ZNF57: variants seen among roughly 807,000 people sequenced by gnomAD.
The protein encoded by ZNF57 is zinc finger protein 424.
In ZNF57, 11 loss-of-function variants were observed where a neutral mutation model predicts 13.4. That is an observed-to-expected ratio of 0.82 (90% CI 0.52 to 1.36). ZNF57 has a LOEUF of 1.36. Ranked by LOEUF, ZNF57 falls within the 40% of genes most tolerant of loss-of-function variation. The probability of loss-of-function intolerance (pLI) is 0.00; values close to 1 mark genes in which losing one functional copy is unlikely to be tolerated. For missense variants in ZNF57, 696 were observed against 667.5 expected, an observed-to-expected ratio of 1.04 and a Z score of -0.47; for synonymous variants, 224 against 238.5, an observed-to-expected ratio of 0.94 and a Z score of 0.56.
chr19:2,916,191 T>C lies in ZNF57; in HGVS notation c.244T>C (p.Tyr82His). 3 of 1,613,910 alleles carry C rather than the reference T, an allele frequency of 1.9e-6. No homozygotes were observed. The highest frequency in any genetic ancestry group is 2.5e-6 in the Non-Finnish European group (3 of 1,179,956). Reference protein sequence around the residue: ...PNFTGNNSCAYTLEKNCEGYG... With the variant: ...PNFTGNNSCAHTLEKNCEGYG... ...CTTCACAGGAAATAATTCCTGTGCC[T>C]ACACTTTAGAAAAAAATTGTGAAGG... Residue 82 changes from tyrosine to histidine, a missense_variant, in exon 3 of 4, where the codon TAC becomes CAC. By Grantham distance (83) the Tyr-to-His change is moderately conservative (BLOSUM62 2). Coordinates refer to ENST00000306908, the MANE Select transcript of ZNF57 (RefSeq NM_173480.3).
chr19:2,910,898 T>A (rs978334803), intron 1 of ZNF57, among the ~76,000 whole-genome samples: 1 of 151,476 alleles, frequency 6.6e-6, no homozygotes, highest in East Asian at 1.9e-4. Context: ...CCGGCCTGGT[T>A]ACTGTTTTCT....
intron 3 of ZNF57, chr19:2,916,555 AC>A: frequency 4.1e-6 from 1 of 245,224 alleles, no homozygotes; most frequent in Non-Finnish European, 7.9e-6. Context: ...TACTAAAAAT[AC>A]CAAAAAAAAA....
rs138103869 is a variant in ZNF57 at position 2,917,530 on chromosome 19, G to A, written c.909G>A (p.Thr303=). The change falls in exon 4 of 4, where the codon ACG becomes ACA. Residue 303 remains threonine (T), a synonymous_variant. Coordinates refer to ENST00000306908, the MANE Select transcript of ZNF57 (RefSeq NM_173480.3). ...QAFQRHEKTH[T]GEKPYECKQC... ...TTCAAAGACATGAGAAGACGCACAC[G>A]GGAGAGAAGCCCTATGAATGCAAGC... 166 of 1,613,352 alleles carry A rather than the reference G, an allele frequency of 1.0e-4. No individual in the cohort carries two copies. The highest frequency in any genetic ancestry group is 1.7e-4 in the Middle Eastern group (1 of 6,056).
chr19:2,915,342 G>C (rs1158696942), intron 1 of ZNF57, 180 bp from the exon 2 acceptor site: 1 of 728,762 alleles, frequency 1.4e-6, no homozygotes, highest in African/African-American at 1.8e-5. Flanking sequence ...AGTTCAGACT[G>C]ATAGTGGTGC....
intron 2 of ZNF57, among the ~76,000 whole-genome samples, 166 bp from the exon 3 acceptor site, chr19:2,915,912 G>T (rs1191501860): frequency 6.6e-6 from 1 of 152,124 alleles, no homozygotes; most frequent in South Asian, 2.1e-4. Context: ...TCACAGAGTG[G>T]TTCCTTGTTT....
chr19:2,917,021 TCTG>T lies in ZNF57; in HGVS notation c.404_406del (p.Ala135del), dbSNP rs2088206899. Reference sequence around the variant, plus strand: ...AGATCTTACCCTGCACAAGAAAGTTTCTGCTGGAGAAAAACCATATGAATGCAC... The same window carrying T: ...AGATCTTACCCTGCACAAGAAAGTTTCTGGAGAAAAACCATATGAATGCAC... On this transcript the variant is annotated inframe_deletion, in exon 4 of 4. Coordinates refer to ENST00000306908, the MANE Select transcript of ZNF57 (RefSeq NM_173480.3). The T allele has an allele frequency of 8.1e-6, 13 of 1,614,202 alleles. No homozygotes were observed. The highest frequency in any genetic ancestry group is 1.0e-5 in the Non-Finnish European group (12 of 1,180,040).
At chr19:2,910,457 C>CTTTTT (rs1212426647) in intron 1 of ZNF57, among the ~76,000 whole-genome samples, 28 of 8,626 alleles carry the variant, frequency 3.2e-3, no homozygotes, top group Non-Finnish European at 5.1e-3. Flanking sequence ...CTTTTCTTTT[C>CTTTTT]TTTTTTTTTT....
chr19:2,911,085 C>T (rs2088130189), intron 1 of ZNF57, among the ~76,000 whole-genome samples: 1 of 133,818 alleles, frequency 7.5e-6, no homozygotes, highest in Non-Finnish European at 1.7e-5. Context: ...ATTTATTTGG[C>T]AGGGTCTTGC....
intron 1 of ZNF57, among the ~76,000 whole-genome samples, chr19:2,908,765 T>A (rs1196610043): frequency 6.6e-6 from 1 of 152,080 alleles, no homozygotes; most frequent in African/African-American, 2.4e-5. Flanking sequence ...GACATTTCCA[T>A]CACCTCACGA....
intron 1 of ZNF57, among the ~76,000 whole-genome samples, chr19:2,914,544 T>C (rs2088171596): frequency 6.6e-6 from 1 of 152,198 alleles, no homozygotes; most frequent in Non-Finnish European, 1.5e-5. Flanking sequence ...CGTGAGCCAC[T>C]GCACCCGGCC....
In ZNF57 at chr19:2,917,238, A is replaced by G; in HGVS notation, c.617A>G (p.Gln206Arg). 2 of 1,614,170 alleles carry G rather than the reference A, an allele frequency of 1.2e-6. No homozygotes were observed. The highest frequency in any genetic ancestry group is 1.7e-6 in the Non-Finnish European group (2 of 1,179,982). Residue 206 changes from glutamine to arginine, a missense_variant, in exon 4 of 4, where the codon CAA (glutamine) becomes CGA (arginine). Transcript: ENST00000306908. ...TGTCAAGCATGTGGGCAAACTTTCC[A>G]ACATCCTCGTTACCTCTCCCACCAC... Reference protein sequence around the residue: ...YKCQACGQTFQHPRYLSHHVK... With the variant: ...YKCQACGQTFRHPRYLSHHVK...
chr19:2,906,268 G>A (rs1221837666), intron 1 of ZNF57, among the ~76,000 whole-genome samples: 1 of 152,158 alleles, frequency 6.6e-6, no homozygotes, highest in Non-Finnish European at 1.5e-5. Context: ...TGCCCAGGCT[G>A]GTCTCAAATT....
Position 2,918,250 on chromosome 19 carries a change from C to T in ZNF57, c.1629C>T (p.Cys543=), listed in dbSNP as rs1466679147. The T allele has an allele frequency of 6.2e-7, 1 of 1,611,298 alleles. No homozygotes were observed. Among genetic ancestry groups the T allele is most frequent in the Non-Finnish European group, 8.5e-7 (1 of 1,178,366 alleles). Residue 543 remains cysteine, a synonymous_variant, in exon 4 of 4, where the codon TGC becomes TGT. Coordinates refer to ENST00000306908, the MANE Select transcript of ZNF57 (RefSeq NM_173480.3). ...ECQSYSKAFS[C]QVILSKTSES... is the part of the protein sequence containing the mutation. ...AGTCATACTCAAAAGCCTTCAGTTG[C>T]CAAGTCATTCTTTCTAAAACCAGTG... is the stretch of plus-strand genomic sequence containing the variant.
chr19:2,901,814 G>T (rs972366975), intron 1 of ZNF57, among the ~76,000 whole-genome samples: 1 of 152,202 alleles, frequency 6.6e-6, no homozygotes, highest in African/African-American at 2.4e-5. Context: ...ACCGCGCCCG[G>T]CAATCATTAG....
In ZNF57 at chr19:2,917,970, G is replaced by C. The variant is rs770779324; in HGVS notation, c.1349G>C (p.Cys450Ser). ...RIHTQEQLHK[C>S]EHCGKAFTSS... The stretch of plus-strand genomic sequence containing the variant: ...CACACGCAAGAGCAGCTCCATAAAT[G>C]TGAACACTGTGGGAAGGCCTTTACC... Residue 450 changes from cysteine (C) to serine (S), a missense_variant, in exon 4 of 4, where the codon TGT (cysteine) becomes TCT (serine). This residue lies in a region of ZNF57 where 645 missense variants were observed against 591.5 expected (regional missense o/e 1.09). Transcript: ENST00000306908. 1 of 1,613,752 alleles carries C rather than the reference G, an allele frequency of 6.2e-7. No homozygotes were observed. The highest frequency in any genetic ancestry group is 8.5e-7 in the Non-Finnish European group (1 of 1,179,884).
chr19:2,913,255 TTTTG>T (rs1201374123), intron 1 of ZNF57, among the ~76,000 whole-genome samples: 1 of 152,210 alleles, frequency 6.6e-6, no homozygotes, highest in African/African-American at 2.4e-5. Context: ...GCTAAATCAG[TTTTG>T]TTTGATCTTT....
chr19:2,917,246 C>A lies in ZNF57; in HGVS notation c.625C>A (p.Arg209Ser). 1 of 1,614,180 alleles carries A rather than the reference C, an allele frequency of 6.2e-7. No homozygotes were observed. Among genetic ancestry groups the A allele is most frequent in the Non-Finnish European group, 8.5e-7 (1 of 1,180,040 alleles). The stretch of plus-strand genomic sequence containing the variant: ...ATGTGGGCAAACTTTCCAACATCCT[C>A]GTTACCTCTCCCACCACGTAAAGAC... ...QACGQTFQHP[R>S]YLSHHVKTHT... The change falls in exon 4 of 4, where the codon CGT becomes AGT. Residue 209 changes from arginine to serine, a missense_variant. Physicochemically the swap from Arg to Ser is moderately radical, Grantham distance 110 (BLOSUM62 -1). Transcript: ENST00000306908.
At chr19:2,910,693 A>C (rs28544275) in intron 1 of ZNF57, among the ~76,000 whole-genome samples, 4,562 of 112,258 alleles carry the variant, frequency 0.041, 1,097 homozygotes, top group African/African-American at 0.13. Context: ...ATCTCCTGAC[A>C]TCGTGATCTG....
intron 1 of ZNF57, among the ~76,000 whole-genome samples, chr19:2,903,784 G>A (rs113232893): frequency 0.03 from 4,507 of 151,030 alleles, 100 homozygotes; most frequent in Middle Eastern, 0.1. Flanking sequence ...GTGCGATCTC[G>A]GCTCACTGCA....
Sources: allele counts gnomAD v4.1 joint callset (sites outside exome capture counted in the v4.1 genomes callset), GRCh38; gene constraint gnomAD v4.1.1; regional missense constraint gnomAD v4.1.1; transcripts MANE v1.5; gene names NCBI Gene and HGNC (gene_info 2026-07-23, HGNC 2026-07-21).